The following GULP1 variants were observed in gnomAD, a reference collection of about 807,000 sequenced individuals.
The protein encoded by GULP1 is GULP PTB domain containing engulfment adaptor 1.
In GULP1, 19 loss-of-function variants were observed where a neutral mutation model predicts 40.9. The ratio of observed to expected loss-of-function variants is 0.46; its 90% CI spans 0.32 to 0.68. GULP1 has a LOEUF of 0.68. GULP1 is among the 30% of genes least tolerant of loss of function. The pLI, the probability that GULP1 is intolerant of heterozygous loss-of-function variation, is 0.03. For synonymous variants in GULP1, 119 were observed against 117.6 expected (o/e 1.01, Z -0.08); for missense variants, 312 against 362.2 (o/e 0.86, Z 1.12).
chr2:188,548,735 T>A (rs557069258), intron 7 of GULP1, among the ~76,000 whole-genome samples: 1 of 151,750 alleles, frequency 6.6e-6, no homozygotes. Context: ...AGACAATAGG[T>A]CAATGGAAGA....
chr2:188,545,545 A>C (rs1464248526), intron 7 of GULP1, among the ~76,000 whole-genome samples: 2 of 151,940 alleles, frequency 1.3e-5, no homozygotes, highest in African/African-American at 4.8e-5. Flanking sequence ...TATATAGATA[A>C]AATGTGAATC....
At chr2:188,522,110 C>T (rs2065845817) in intron 4 of GULP1, among the ~76,000 whole-genome samples, 1 of 152,032 alleles carries the variant, frequency 6.6e-6, no homozygotes, top group African/African-American at 2.4e-5. Flanking sequence ...AACCAAAAAA[C>T]AGTACAATTG....
chr2:188,333,972 C>G (rs953451919), intron 1 of GULP1, among the ~76,000 whole-genome samples: 1 of 152,092 alleles, frequency 6.6e-6, no homozygotes, highest in Non-Finnish European at 1.5e-5. Flanking sequence ...AGCTGCAGGG[C>G]CTGCTGAATT....
chr2:188,465,833 A>T (rs966803094), intron 2 of GULP1, among the ~76,000 whole-genome samples: 1 of 151,990 alleles, frequency 6.6e-6, no homozygotes, highest in Non-Finnish European at 1.5e-5. Flanking sequence ...GGTTGCCTCT[A>T]CTGAGGGATG....
At chr2:188,529,239 G>A (rs1559346433) in intron 6 of GULP1, 44 bp downstream of exon 6, 3 of 885,202 alleles carry the variant, frequency 3.4e-6, no homozygotes, top group Non-Finnish European at 5.5e-6. Context: ...TTAATTAATT[G>A]CAATTATATT....
chr2:188,405,774 A>G (rs4277487), intron 2 of GULP1, among the ~76,000 whole-genome samples: 151,329 of 152,350 alleles, frequency 0.99, 75,169 homozygotes, highest in East Asian at 1. Flanking sequence ...ATACCAAATG[A>G]TCTACTCAGA....
intron 4 of GULP1, among the ~76,000 whole-genome samples, chr2:188,496,474 A>T (rs545894763): frequency 1.3e-5 from 2 of 152,164 alleles, no homozygotes; most frequent in Admixed American, 1.3e-4. Context: ...TCAAACTAAA[A>T]AATATTCTTC....
chr2:188,502,672 A>AT (rs757177998), intron 4 of GULP1, among the ~76,000 whole-genome samples: 2 of 151,886 alleles, frequency 1.3e-5, no homozygotes, highest in East Asian at 3.9e-4. Context: ...CCTTCTTTAT[A>AT]TTTTCTACAC....
chr2:188,455,213 G>A (rs1437399651), intron 2 of GULP1, among the ~76,000 whole-genome samples: 1 of 152,042 alleles, frequency 6.6e-6, no homozygotes, highest in Non-Finnish European at 1.5e-5. Context: ...GTATACCTAG[G>A]TGCATATTTC....
intron 2 of GULP1, among the ~76,000 whole-genome samples, chr2:188,408,106 A>G (rs2152694573): frequency 6.6e-6 from 1 of 152,260 alleles, no homozygotes; most frequent in African/African-American, 2.4e-5. Flanking sequence ...TGAGGTTATC[A>G]GGGTGAGGCC....
intron 6 of GULP1, among the ~76,000 whole-genome samples, chr2:188,539,384 T>C (rs889630252): frequency 1.3e-5 from 2 of 151,986 alleles, no homozygotes; most frequent in Non-Finnish European, 2.9e-5. Flanking sequence ...TTGACTATAT[T>C]GTCATTAAAA....
intron 2 of GULP1, among the ~76,000 whole-genome samples, chr2:188,408,756 T>C (rs2053474666): frequency 6.6e-6 from 1 of 152,182 alleles, no homozygotes; most frequent in Non-Finnish European, 1.5e-5. Context: ...CCATGATAGA[T>C]CATATCTTAG....
intron 6 of GULP1, among the ~76,000 whole-genome samples, chr2:188,537,530 A>C (rs1354808849): frequency 2.6e-5 from 4 of 152,076 alleles, no homozygotes; most frequent in African/African-American, 9.7e-5. Context: ...CCCAGGAATG[A>C]AGCCTTCTTG....
chr2:188,463,207 T>A (rs72911479), intron 2 of GULP1, among the ~76,000 whole-genome samples: 2,639 of 152,318 alleles, frequency 0.017, 38 homozygotes, highest in Middle Eastern at 0.027. Context: ...AGGTCTGGTG[T>A]TGCTGAAATC....
chr2:188,565,530 C>T (rs1338918457), intron 7 of GULP1, among the ~76,000 whole-genome samples: 1 of 151,994 alleles, frequency 6.6e-6, no homozygotes, highest in Admixed American at 6.6e-5. Context: ...ATGAAAAAGA[C>T]TGTCAATATC....
intron 3 of GULP1, among the ~76,000 whole-genome samples, chr2:188,481,914 G>A (rs537452842): frequency 3.3e-5 from 5 of 151,916 alleles, no homozygotes; most frequent in African/African-American, 7.2e-5. Context: ...AAATCTAAGT[G>A]CAAATTATTC....
chr2:188,448,753 G>A (rs1263144447), intron 2 of GULP1, among the ~76,000 whole-genome samples: 2 of 152,178 alleles, frequency 1.3e-5, no homozygotes, highest in African/African-American at 2.4e-5. Flanking sequence ...CATGAGATAT[G>A]GGAGGTGTTT....
chr2:188,405,612 C>A (rs2052966812), intron 2 of GULP1, among the ~76,000 whole-genome samples: 1 of 152,182 alleles, frequency 6.6e-6, no homozygotes, highest in African/African-American at 2.4e-5. Context: ...GGTTCCAGAC[C>A]CAATTCCACA....
At chr2:188,441,010 A>G (rs371905688) in intron 2 of GULP1, among the ~76,000 whole-genome samples, 5 of 152,248 alleles carry the variant, frequency 3.3e-5, no homozygotes, top group African/African-American at 1.2e-4. Flanking sequence ...TCCCTATCCT[A>G]GTTTGGTTTG....
Sources: gnomAD v4.1 joint callset for allele counts (sites outside exome capture counted in the v4.1 genomes callset) on GRCh38, gnomAD v4.1.1 for gene constraint, MANE v1.5 for transcripts, NCBI Gene and HGNC (gene_info 2026-07-23, HGNC 2026-07-21) for gene names.